Variants in DTWD2 observed in about 807,000 individuals in gnomAD.
DTWD2 encodes DTW motif tRNA-uridine aminocarboxypropyltransferase 2.
DTWD2 carries 39 observed loss-of-function variants against 31.8 expected under a neutral mutation model. The ratio of observed to expected loss-of-function variants is 1.22; its 90% confidence interval spans 0.95 to 1.60. The LOEUF is 1.60. Ranked by LOEUF, DTWD2 falls within the 40% of genes most tolerant of loss-of-function variation. The pLI is 0.00. For synonymous variants in DTWD2, 180 were observed against 142.8 expected, an observed-to-expected ratio of 1.26 and a Z score of -1.86; for missense variants, 515 against 381.5, an observed-to-expected ratio of 1.35 and a Z score of -2.92.
chr5:118,973,692 C>T (rs1022178466), intron 1 of DTWD2: 41 of 1,387,330 alleles, frequency 3.0e-5, no homozygotes, highest in African/African-American at 1.3e-4. Flanking sequence ...GCCTCCGCCA[C>T]GCGCCTCCTC....
intron 1 of DTWD2, among the ~76,000 whole-genome samples, chr5:118,960,036 A>C: frequency 6.6e-6 from 1 of 152,222 alleles, no homozygotes. Context: ...GGCACTGGCA[A>C]AGAATTTATG....
In DTWD2 at chr5:118,860,147, ATATGT is replaced by A. The variant is rs553165251; in HGVS notation, c.598-11934_598-11930del. ...AAAATAAATAAAAATATATATAAAT[ATATGT>A]TATATTAGTTATACTGCTATAACTC... On this transcript the variant is annotated intron_variant, in intron 4 of 5. Coordinates refer to ENST00000510708, the MANE Select transcript of DTWD2 (RefSeq NM_173666.4). Among the ~76,000 whole-genome samples, 171 of 150,154 alleles carry A rather than the reference ATATGT, an allele frequency of 1.1e-3. 1 individual carries two copies. The highest frequency in any genetic ancestry group is 1.8e-3 in the Non-Finnish European group (124 of 67,610).
intron 3 of DTWD2, among the ~76,000 whole-genome samples, chr5:118,937,846 A>G (rs1305419156): frequency 2.6e-5 from 4 of 151,900 alleles, no homozygotes; most frequent in Non-Finnish European, 5.9e-5. Context: ...TGTGTGTAAT[A>G]AACTTCTTTC....
chr5:118,955,157 A>G (rs990377945), intron 1 of DTWD2, among the ~76,000 whole-genome samples: 5 of 152,346 alleles, frequency 3.3e-5, no homozygotes, highest in Middle Eastern at 3.4e-3. Flanking sequence ...TTAACTCATG[A>G]TTTTATATGC....
intron 4 of DTWD2, among the ~76,000 whole-genome samples, chr5:118,852,981 T>G (rs111876175): frequency 5.3e-5 from 8 of 152,246 alleles, no homozygotes; most frequent in African/African-American, 1.9e-4. Context: ...CCAAACCACA[T>G]GTTCTCATAT....
intron 4 of DTWD2, among the ~76,000 whole-genome samples, chr5:118,926,233 C>G (rs955607047): frequency 1.3e-5 from 2 of 152,086 alleles, no homozygotes; most frequent in African/African-American, 4.8e-5. Context: ...AATGAACAAA[C>G]TAAGTTCATT....
intron 4 of DTWD2, among the ~76,000 whole-genome samples, chr5:118,851,823 A>T (rs180947954): frequency 5.0e-4 from 75 of 149,324 alleles, no homozygotes; most frequent in African/African-American, 1.8e-3. Context: ...CATGTACCCT[A>T]AAACTTAAAG....
intron 2 of DTWD2, among the ~76,000 whole-genome samples, chr5:118,944,353 G>C (rs1278481163): frequency 6.6e-6 from 1 of 152,154 alleles, no homozygotes; most frequent in African/African-American, 2.4e-5. Flanking sequence ...CATAGATTTT[G>C]TGAAATGGTA....
intron 4 of DTWD2, among the ~76,000 whole-genome samples, chr5:118,927,909 C>T (rs1377190438): frequency 6.6e-6 from 1 of 152,004 alleles, no homozygotes; most frequent in Admixed American, 6.5e-5. Flanking sequence ...AATAACCAAA[C>T]ATGACAGTGG....
chr5:118,851,243 G>T (rs934544387), intron 4 of DTWD2, among the ~76,000 whole-genome samples: 1 of 137,056 alleles, frequency 7.3e-6, no homozygotes, highest in South Asian at 2.4e-4. Context: ...AAAAAAGAAA[G>T]AAAAAACTAT....
Position 118,944,598 on chromosome 5 carries a change from A to G in DTWD2, c.270T>C (p.His90=). ...LCPFLPAHPL[H]ISTHLYIIQH... Reference sequence around the variant, plus strand: ...GAATTATGTACAAGTGGGTAGAGATATGCAGAGGGTGCGCTGGGAGAAATG... The same window carrying G: ...GAATTATGTACAAGTGGGTAGAGATGTGCAGAGGGTGCGCTGGGAGAAATG... Residue 90 remains histidine, a synonymous_variant, in exon 2 of 6, where the codon CAT becomes CAC. Coordinates refer to ENST00000510708, the MANE Select transcript of DTWD2 (RefSeq NM_173666.4). 1 of 1,613,664 alleles carries G rather than the reference A, an allele frequency of 6.2e-7. No individual in the cohort carries two copies. The highest frequency in any genetic ancestry group is 1.1e-5 in the South Asian group (1 of 91,060).
chr5:118,899,792 G>GT (rs1301902262), intron 4 of DTWD2, among the ~76,000 whole-genome samples: 2 of 143,410 alleles, frequency 1.4e-5, no homozygotes, highest in Non-Finnish European at 3.0e-5. Flanking sequence ...GTCATACTTC[G>GT]TTTTTTCTTT....
At chr5:118,972,030 A>C (rs1754998970) in intron 1 of DTWD2, among the ~76,000 whole-genome samples, 1 of 152,226 alleles carries the variant, frequency 6.6e-6, no homozygotes, top group Non-Finnish European at 1.5e-5. Flanking sequence ...GTAAGATCTC[A>C]AATCAACAAC....
At chr5:118,966,666 A>T (rs1754857334) in intron 1 of DTWD2, among the ~76,000 whole-genome samples, 1 of 152,190 alleles carries the variant, frequency 6.6e-6, no homozygotes, top group South Asian at 2.1e-4. Flanking sequence ...AACTGATAAA[A>T]GTTATCACTA....
intron 4 of DTWD2, among the ~76,000 whole-genome samples, chr5:118,919,021 G>A (rs769586294): frequency 2.6e-5 from 4 of 152,088 alleles, no homozygotes; most frequent in Non-Finnish European, 4.4e-5. Flanking sequence ...GAAAAGTAGA[G>A]GTCATTTGTC....
intron 4 of DTWD2, among the ~76,000 whole-genome samples, chr5:118,901,556 T>C (rs955862647): frequency 3.9e-5 from 6 of 152,138 alleles, no homozygotes; most frequent in Non-Finnish European, 5.9e-5. Flanking sequence ...ATATCATATA[T>C]ATTAGAGTAT....
chr5:118,849,409 C>A (rs777189011), intron 4 of DTWD2, among the ~76,000 whole-genome samples: 8 of 152,138 alleles, frequency 5.3e-5, no homozygotes, highest in African/African-American at 9.7e-5. Flanking sequence ...GAAATGGGAA[C>A]ACTTTTACAC....
In DTWD2 at chr5:118,988,325, C is replaced by CCGGCTCCACCGG. The variant is rs1755481393; in HGVS notation, c.175_186dup (p.Pro59_Pro62dup). 2.0e-6 allele frequency: 3 copies of CCGGCTCCACCGG among 1,537,902 alleles called. No homozygotes were observed. Among genetic ancestry groups the CCGGCTCCACCGG allele is most frequent in the African/African-American group, 2.8e-5 (2 of 71,138 alleles). Reference sequence around the variant, plus strand: ...CGGGTGCACTCAGGCCTCCGCTCGGCCGGCTCCACCGGCAGCTCCCACAGC... The same window carrying CCGGCTCCACCGG: ...CGGGTGCACTCAGGCCTCCGCTCGGCCGGCTCCACCGGCGGCTCCACCGGCAGCTCCCACAGC... On this transcript the variant is annotated inframe_insertion, in exon 1 of 6. Transcript: ENST00000510708.
intron 2 of DTWD2, among the ~76,000 whole-genome samples, chr5:118,940,375 C>A (rs1754152188): frequency 6.6e-6 from 1 of 152,152 alleles, no homozygotes; most frequent in African/African-American, 2.4e-5. Flanking sequence ...AAACCTTTAT[C>A]AAAGTAATAC....
Sources: gnomAD v4.1 joint callset for allele counts (sites outside exome capture counted in the v4.1 genomes callset) on GRCh38, gnomAD v4.1.1 for gene constraint, MANE v1.5 for transcripts, NCBI Gene and HGNC (gene_info 2026-07-23, HGNC 2026-07-21) for gene names.